LYST: variants seen among roughly 807,000 people sequenced by gnomAD.
LYST encodes lysosomal-trafficking regulator.
LYST carries 192 observed loss-of-function variants against 413.6 expected under a neutral mutation model. The ratio of observed to expected loss-of-function variants is 0.46; its 90% CI spans 0.41 to 0.52. The LOEUF is 0.52. Among genes scored for constraint, LYST ranks in the 20% least tolerant of loss-of-function variants. LYST has a pLI of 0.00. For synonymous variants in LYST, 1,525 were observed against 1,567.3 expected, an observed-to-expected ratio of 0.97 and a Z score of 0.64; for missense variants, 3,815 against 4,499.9, an observed-to-expected ratio of 0.85 and a Z score of 4.35.
At chr1:235,862,058 T>C (rs1679944918) in intron 1 of LYST, among the ~76,000 whole-genome samples, 1 of 152,226 alleles carries the variant, frequency 6.6e-6, no homozygotes, top group Admixed American at 6.5e-5. Flanking sequence ...TCACTCATGC[T>C]GAAGTTCCAC....
intron 29 of LYST, among the ~76,000 whole-genome samples, chr1:235,745,548 A>G (rs1185169507): frequency 6.6e-6 from 1 of 152,200 alleles, no homozygotes; most frequent in Non-Finnish European, 1.5e-5. Context: ...TTACCGTATG[A>G]CCCAGTAACT....
chr1:235,879,574 C>T (rs1681285228), intron 1 of LYST, among the ~76,000 whole-genome samples: 2 of 152,242 alleles, frequency 1.3e-5, no homozygotes, highest in Admixed American at 1.3e-4. Context: ...GTTCCTTTAA[C>T]ACCATTCATT....
chr1:235,664,736 G>A lies in LYST; in HGVS notation c.11039-115C>T. On this transcript the variant is annotated intron_variant, in intron 50 of 52. Transcript: ENST00000389793. The surrounding 1 kb of genome is among the most constrained non-coding windows in gnomAD (Gnocchi z 4.5). ...GCTCATTTGTTTATTGATGAAGTTT[G>A]TAGACAACCCATGACTGAAGACTGT... 1 of 860,718 alleles carries A rather than the reference G, an allele frequency of 1.2e-6. No individual in the cohort carries two copies. Among genetic ancestry groups the A allele is most frequent in the Non-Finnish European group, 1.9e-6 (1 of 515,192 alleles). 53.3% of individuals were successfully genotyped at this position (860,718 alleles called of 1,614,324 possible). A position where few individuals can be genotyped will look rare whatever the true frequency, so the allele number is the denominator to read the frequency against.
At chr1:235,784,250 T>C (rs889597191) in intron 14 of LYST, among the ~76,000 whole-genome samples, 5 of 152,180 alleles carry the variant, frequency 3.3e-5, no homozygotes, top group Admixed American at 2.0e-4. Flanking sequence ...CAGAATAAAA[T>C]ATTTGTCCTT....
intron 28 of LYST, among the ~76,000 whole-genome samples, chr1:235,750,046 A>T (rs1206232338): frequency 1.3e-5 from 2 of 152,166 alleles, no homozygotes; most frequent in African/African-American, 2.4e-5. Context: ...ATACTTTCTG[A>T]TATCAAGAGA....
chr1:235,808,425 GC>G, intron 5 of LYST, 29 bp downstream of exon 5: 2 of 1,424,596 alleles, frequency 1.4e-6, no homozygotes, highest in Non-Finnish European at 1.9e-6. Context: ...AACAACCCCC[GC>G]CCCCGCCGCC....
In LYST at chr1:235,720,844, C is replaced by T. The variant is rs138997532; in HGVS notation, c.9377G>A (p.Gly3126Asp). ...TNNLPNLLEYGNITALTNLWY... is the reference protein window; with the variant it reads ...TNNLPNLLEYDNITALTNLWY... The stretch of plus-strand genomic sequence containing the variant: ...TAAATTTGTCAGAGCGGTGATGTTA[C>T]CATATTCCAGAAGATTAGGGAGGTT... The change falls in exon 40 of 53, where the codon GGT (glycine) becomes GAT (aspartate). Residue 3126 changes from glycine to aspartate, a missense_variant. Physicochemically the swap from Gly to Asp is moderately conservative, Grantham distance 94. Coordinates refer to ENST00000389793, the MANE Select transcript of LYST (RefSeq NM_000081.4). The T allele has an allele frequency of 2.4e-5, 38 of 1,613,428 alleles. No homozygotes were observed. In the African/African-American group the frequency reaches 3.1e-4, roughly 13 times the overall value.
chr1:235,730,011 TTTTTGTATTATTA>T (rs1196799562), intron 36 of LYST, among the ~76,000 whole-genome samples: 23 of 152,052 alleles, frequency 1.5e-4, no homozygotes, highest in African/African-American at 5.5e-4. Context: ...GCTCTATTTA[TTTTTGTATTATTA>T]TTTTGTATTA....
At chr1:235,869,326 G>C (rs1418526637), upstream of LYST, among the ~76,000 whole-genome samples, 1 of 152,122 alleles carries the variant, frequency 6.6e-6, no homozygotes, top group Non-Finnish European at 1.5e-5. Flanking sequence ...CAAAAAATTA[G>C]CCGGGCGCGG....
At chr1:235,761,233 T>C (rs1667560499) in intron 22 of LYST, among the ~76,000 whole-genome samples, 1 of 152,194 alleles carries the variant, frequency 6.6e-6, no homozygotes, top group African/African-American at 2.4e-5. Flanking sequence ...CTAATACCTA[T>C]ATATCTAGTT....
chr1:235,748,455 G>T (rs10926573), intron 28 of LYST, among the ~76,000 whole-genome samples: 5,519 of 152,114 alleles, frequency 0.036, 341 homozygotes, highest in African/African-American at 0.13. Context: ...AGATTATTTT[G>T]TAATCATTAA....
chr1:235,793,065 T>G (rs1671188226), intron 11 of LYST, among the ~76,000 whole-genome samples: 1 of 152,154 alleles, frequency 6.6e-6, no homozygotes, highest in African/African-American at 2.4e-5. Flanking sequence ...TAAAAATGGG[T>G]TTCCTAGCAG....
chr1:235,695,616 T>G (rs186114283), intron 46 of LYST, among the ~76,000 whole-genome samples: 2 of 148,534 alleles, frequency 1.3e-5, no homozygotes, highest in East Asian at 4.0e-4. Context: ...GAGAGAAACT[T>G]TACAGTACTC....
intron 1 of LYST, among the ~76,000 whole-genome samples, chr1:235,862,643 A>G (rs1297526121): frequency 6.6e-6 from 1 of 152,090 alleles, no homozygotes; most frequent in African/African-American, 2.4e-5. Flanking sequence ...TAAAATTACA[A>G]AAATTAGCCG....
intron 16 of LYST, among the ~76,000 whole-genome samples, chr1:235,779,737 T>C (rs1486309256): frequency 6.6e-6 from 1 of 152,128 alleles, no homozygotes; most frequent in Non-Finnish European, 1.5e-5. Context: ...CACTGGCCCT[T>C]ACTACCCAAT....
intron 2 of LYST, among the ~76,000 whole-genome samples, chr1:235,830,933 C>T (rs148191682): frequency 2.2e-4 from 33 of 152,180 alleles, no homozygotes; most frequent in African/African-American, 2.9e-4. Context: ...GCTAAAGTTA[C>T]GCCACTTCAC....
chr1:235,728,118 C>T lies in LYST; in HGVS notation c.9120G>A (p.Met3040Ile). The T allele has an allele frequency of 6.2e-7, 1 of 1,611,702 alleles. No homozygotes were observed. Among genetic ancestry groups the T allele is most frequent in the Non-Finnish European group, 8.5e-7 (1 of 1,178,006 alleles). The change falls in exon 38 of 53, where the codon ATG (methionine) becomes ATA (isoleucine). Residue 3040 changes from methionine to isoleucine, a missense_variant. This residue lies in a region of LYST where 866 missense variants were observed against 1,156.0 expected (regional missense o/e 0.75). Coordinates refer to ENST00000389793, the MANE Select transcript of LYST (RefSeq NM_000081.4). ...AGELLLGKCG[M>I]YFVEDNASDT... ...CAGAAGCATTATCTTCCACAAAATA[C>T]ATTCCACATTTACCTGCAGAAAGTA...
chr1:235,691,140 G>C (rs1022212271), intron 47 of LYST, among the ~76,000 whole-genome samples: 6 of 152,012 alleles, frequency 3.9e-5, no homozygotes, highest in Non-Finnish European at 8.8e-5. Context: ...GGATGGTCTC[G>C]ATCTCCTGAC....
At chr1:235,682,544 C>G (rs1255184134) in intron 48 of LYST, among the ~76,000 whole-genome samples, 3 of 152,186 alleles carry the variant, frequency 2.0e-5, no homozygotes, top group Non-Finnish European at 4.4e-5. Flanking sequence ...TATCAGACAA[C>G]CTGGGGCTGG....
Sources: allele counts gnomAD v4.1 joint callset (sites outside exome capture counted in the v4.1 genomes callset), GRCh38; gene constraint gnomAD v4.1.1; regional missense constraint gnomAD v4.1.1; non-coding constraint Gnocchi (gnomAD v3.1); transcripts MANE v1.5; gene names NCBI Gene and HGNC (gene_info 2026-07-23, HGNC 2026-07-21).